The following DENND5B variants were observed in gnomAD, a reference collection of about 807,000 sequenced individuals.
DENND5B encodes the protein DENN domain-containing protein 5B.
In DENND5B, 34 loss-of-function variants were observed where a neutral mutation model predicts 140.6. The observed-to-expected ratio is 0.24, with a 90% CI of 0.18 to 0.32. The LOEUF (loss-of-function observed/expected upper bound fraction) is 0.32, where lower values mean the gene tolerates loss of function less well. DENND5B is among the 10% of genes least tolerant of loss of function. The probability of loss-of-function intolerance (pLI) is 1.00; values close to 1 mark genes in which losing one functional copy is unlikely to be tolerated. For synonymous variants in DENND5B, 551 were observed against 562.1 expected (o/e 0.98, Z 0.28); for missense variants, 1,142 against 1,560.2 (o/e 0.73, Z 4.52).
At chr12:31,404,313 TAG>T (rs1378945072) in intron 14 of DENND5B, among the ~76,000 whole-genome samples, 3 of 152,182 alleles carry the variant, frequency 2.0e-5, no homozygotes, top group African/African-American at 7.2e-5. Context: ...GTTGGTTTTC[TAG>T]AGACAGGATG....
chr12:31,532,372 T>C (rs936281666), intron 1 of DENND5B, among the ~76,000 whole-genome samples: 6 of 151,804 alleles, frequency 4.0e-5, no homozygotes, highest in Non-Finnish European at 8.8e-5. Flanking sequence ...GACAAGAGGG[T>C]GGGCAGGGCT....
At chr12:31,402,380 C>A (rs1428064720) in intron 15 of DENND5B, 118 bp downstream of exon 15, 33 of 1,257,466 alleles carry the variant, frequency 2.6e-5, no homozygotes, top group Non-Finnish European at 3.0e-5. Context: ...AATGATCCTG[C>A]ACGCTTTGAG....
intron 7 of DENND5B, among the ~76,000 whole-genome samples, chr12:31,436,492 C>T (rs1207258108): frequency 6.6e-6 from 1 of 152,108 alleles, no homozygotes; most frequent in Non-Finnish European, 1.5e-5. Context: ...ACCTCTTCTA[C>T]ATTTAGTACT....
chr12:31,522,274 T>C (rs575949607), intron 1 of DENND5B, among the ~76,000 whole-genome samples: 1 of 152,298 alleles, frequency 6.6e-6, no homozygotes, highest in African/African-American at 2.4e-5. Flanking sequence ...TGAGAGTCAA[T>C]AACCTTTGGA....
In DENND5B at chr12:31,389,486, G is replaced by A; in HGVS notation, c.3479C>T (p.Ala1160Val). 1 of 1,585,554 alleles carries A rather than the reference G, an allele frequency of 6.3e-7. No individual in the cohort carries two copies. The highest frequency in any genetic ancestry group is 2.3e-5 in the East Asian group (1 of 44,170). The change falls in exon 20 of 21, where the codon GCT becomes GTT. Residue 1160 changes from alanine to valine, a missense_variant. By Grantham distance (64) the Ala-to-Val change is moderately conservative. Around this residue, in one of 5 missense-constraint regions of DENND5B, gnomAD observed 125 missense variants for 179.0 expected, o/e 0.70. Transcript: ENST00000389082. ...AATCTGGTCAGTTGTTTCAAAATAA[G>A]CAACCACTTTCTCTGAGGAAAAAAG... is the stretch of plus-strand genomic sequence containing the variant. ...FIWDFIEKVV[A>V]YFETTDQILD...
chr12:31,471,043 A>G (rs988868777), intron 3 of DENND5B, among the ~76,000 whole-genome samples: 3 of 152,178 alleles, frequency 2.0e-5, no homozygotes, highest in Non-Finnish European at 4.4e-5. Context: ...TAAATATAAA[A>G]TCCCTTGGTT....
intron 1 of DENND5B, among the ~76,000 whole-genome samples, chr12:31,574,077 C>T (rs771323509): frequency 7.3e-5 from 11 of 150,498 alleles, no homozygotes; most frequent in Admixed American, 6.6e-4. Context: ...CTGGACAACA[C>T]GGTGAGATCT....
rs71062425 is a variant in DENND5B at position 31,404,759 on chromosome 12, C to CTTTTTTTTTTTTTTTT, written c.2804-2132_2804-2117dup. Among the ~76,000 whole-genome samples the CTTTTTTTTTTTTTTTT allele has an allele frequency of 1.1e-4, 8 of 74,060 alleles. 3 individuals are homozygous for CTTTTTTTTTTTTTTTT. Among genetic ancestry groups the CTTTTTTTTTTTTTTTT allele is most frequent in the African/African-American group, 1.0e-4 (2 of 19,426 alleles). 48.6% of individuals were successfully genotyped at this position (74,060 alleles called of 152,430 possible). Reference sequence around the variant, plus strand: ...ATAAGCCACCGCGTCCGACCTCTAGCTTTTTTTTTTTTTTTTTGAGACAGA... The same window carrying CTTTTTTTTTTTTTTTT: ...ATAAGCCACCGCGTCCGACCTCTAGCTTTTTTTTTTTTTTTTTTTTTTTTTTTTTTTTTGAGACAGA... On this transcript the variant is annotated intron_variant, in intron 14 of 20. Transcript: ENST00000389082.
At chr12:31,564,469 TAAC>T (rs905150009) in intron 1 of DENND5B, among the ~76,000 whole-genome samples, 2 of 151,930 alleles carry the variant, frequency 1.3e-5, no homozygotes, top group South Asian at 2.1e-4. Flanking sequence ...TGCAGCTGGC[TAAC>T]AACATTTCTG....
intron 1 of DENND5B, among the ~76,000 whole-genome samples, chr12:31,536,950 A>C (rs1291673560): frequency 6.6e-6 from 1 of 152,078 alleles, no homozygotes; most frequent in South Asian, 2.1e-4. Flanking sequence ...GAAGGAAAAA[A>C]ACTTTTACCC....
At chr12:31,527,869 G>C (rs1324674297) in intron 1 of DENND5B, among the ~76,000 whole-genome samples, 1 of 152,156 alleles carries the variant, frequency 6.6e-6, no homozygotes, top group African/African-American at 2.4e-5. Context: ...TGTTTAATGT[G>C]AATCTAATTA....
At chr12:31,397,649 G>T (rs1248507339) in intron 17 of DENND5B, among the ~76,000 whole-genome samples, 2 of 150,980 alleles carry the variant, frequency 1.3e-5, no homozygotes, top group Non-Finnish European at 2.9e-5. Context: ...GGCAAGGCCA[G>T]GTCTGGTGGC....
At chr12:31,407,425 G>A (rs903215091) in intron 14 of DENND5B, among the ~76,000 whole-genome samples, 6 of 152,148 alleles carry the variant, frequency 3.9e-5, no homozygotes, top group Non-Finnish European at 8.8e-5. Context: ...CACCGCGCCC[G>A]GCCCAATTTT....
At chr12:31,396,641 A>G (rs1360343128) in intron 17 of DENND5B, 1 of 152,398 alleles carries the variant, frequency 6.6e-6, no homozygotes, top group Non-Finnish European at 1.5e-5. Context: ...CAAAAAAGAC[A>G]GAGTGTCACT....
intron 5 of DENND5B, among the ~76,000 whole-genome samples, chr12:31,450,841 T>C (rs1944479675): frequency 6.6e-6 from 1 of 152,068 alleles, no homozygotes; most frequent in Non-Finnish European, 1.5e-5. Flanking sequence ...AGAACTAAAC[T>C]GTACCCTGGT....
intron 1 of DENND5B, among the ~76,000 whole-genome samples, chr12:31,527,974 CAAAA>C (rs1948146333): frequency 6.6e-6 from 1 of 151,918 alleles, no homozygotes; most frequent in African/African-American, 2.4e-5. Context: ...TCATGAAAAA[CAAAA>C]AAGGTGAGGG....
At chr12:31,394,974 T>C (rs1315665091) in intron 17 of DENND5B, among the ~76,000 whole-genome samples, 5 of 152,118 alleles carry the variant, frequency 3.3e-5, no homozygotes, top group African/African-American at 1.2e-4. Context: ...ATGATCTACT[T>C]TCTATTATTA....
At chr12:31,485,191 A>G (rs1447702416) in intron 2 of DENND5B, among the ~76,000 whole-genome samples, 1 of 152,208 alleles carries the variant, frequency 6.6e-6, no homozygotes, top group African/African-American at 2.4e-5. Flanking sequence ...TCTTTTCCAC[A>G]ACAATGCCTG....
intron 11 of DENND5B, among the ~76,000 whole-genome samples, chr12:31,418,524 A>T (rs1454945062): frequency 6.9e-6 from 1 of 145,416 alleles, no homozygotes; most frequent in East Asian, 2.1e-4. Flanking sequence ...AAACTCTTGG[A>T]CTCAAGCGAT....
Sources: allele counts gnomAD v4.1 joint callset (sites outside exome capture counted in the v4.1 genomes callset), GRCh38; gene constraint gnomAD v4.1.1; regional missense constraint gnomAD v4.1.1; transcripts MANE v1.5; gene names NCBI Gene and HGNC (gene_info 2026-07-23, HGNC 2026-07-21).